GPRIN3: variants seen among roughly 807,000 people sequenced by gnomAD.
The protein encoded by GPRIN3 is GPRIN family member 3.
Under a neutral mutation model 13.7 loss-of-function variants are expected in GPRIN3, and 12 were observed. That is an observed-to-expected ratio of 0.87 (90% confidence interval 0.56 to 1.42). GPRIN3 has a LOEUF of 1.42. Among genes scored for constraint, GPRIN3 ranks in the 40% most tolerant of loss-of-function variants. GPRIN3 has a pLI of 0.00. For missense variants in GPRIN3, 1,009 were observed against 958.7 expected, an observed-to-expected ratio of 1.05 and a Z score of -0.69; for synonymous variants, 377 against 372.7, an observed-to-expected ratio of 1.01 and a Z score of -0.13.
chr4:89,249,842 G>A lies in GPRIN3; in HGVS notation c.269C>T (p.Ala90Val), dbSNP rs1296718908. 3 of 1,614,210 alleles carry A rather than the reference G, an allele frequency of 1.9e-6. No homozygotes were observed. The highest frequency in any genetic ancestry group is 2.2e-5 in the East Asian group (1 of 44,882). The change falls in exon 2 of 2, where the codon GCA becomes GTA. Residue 90 changes from alanine (A) to valine (V), a missense_variant. Coordinates refer to ENST00000609438, the MANE Select transcript of GPRIN3 (RefSeq NM_198281.3). ...SPGVFNEVQKAPATFNSPGNP... is the reference protein window; with the variant it reads ...SPGVFNEVQKVPATFNSPGNP... The stretch of plus-strand genomic sequence containing the variant: ...GCCGGGAGAGTTGAATGTGGCAGGT[G>A]CTTTCTGCACTTCATTGAACACACC...
chr4:89,253,791 T>C (rs1723393381), intron 1 of GPRIN3, among the ~76,000 whole-genome samples: 1 of 152,200 alleles, frequency 6.6e-6, no homozygotes, highest in South Asian at 2.1e-4. Flanking sequence ...AATCTCTGTA[T>C]TTATGCATAG....
At chr4:89,296,476 C>G (rs1451359927) in intron 1 of GPRIN3, among the ~76,000 whole-genome samples, 1 of 151,952 alleles carries the variant, frequency 6.6e-6, no homozygotes, top group Non-Finnish European at 1.5e-5. Context: ...TCTTAGTATT[C>G]CATTTGCAAT....
At chr4:89,303,804 TA>T (rs1042039898) in intron 1 of GPRIN3, among the ~76,000 whole-genome samples, 29 of 149,668 alleles carry the variant, frequency 1.9e-4, no homozygotes, top group African/African-American at 4.4e-4. Flanking sequence ...TGTGTATATA[TA>T]AAAAATATAT....
chr4:89,277,081 C>A (rs890502584), intron 1 of GPRIN3, among the ~76,000 whole-genome samples: 1 of 151,970 alleles, frequency 6.6e-6, no homozygotes, highest in Non-Finnish European at 1.5e-5. Flanking sequence ...AGTCTTCAGT[C>A]CAAACAAAGA....
rs762287489 is a variant in GPRIN3, at chr4:89,241,909, G to A, written c.*5871C>T. 11 of 152,074 alleles carry A rather than the reference G, an allele frequency of 7.2e-5. No individual in the cohort carries two copies. The highest frequency in any genetic ancestry group is 3.9e-4 in the Admixed American group (6 of 15,266). The allele number at this position is 152,074 out of a possible 1,614,324, so 9.4% of individuals were successfully genotyped here. ...AACTGCTCAAGAGTTTTTCTAAAGA[G>A]AGACAATTTTTAAAGCAACAAAGAA... On this transcript the variant is annotated 3_prime_UTR_variant, in exon 2 of 2. Transcript: ENST00000609438.
chr4:89,296,814 T>C (rs1311920379), intron 1 of GPRIN3, among the ~76,000 whole-genome samples: 1 of 152,384 alleles, frequency 6.6e-6, no homozygotes, highest in Non-Finnish European at 1.5e-5. Context: ...TTATCACCTA[T>C]GCAATGATCT....
intron 1 of GPRIN3, among the ~76,000 whole-genome samples, chr4:89,252,713 C>A (rs1006810504): frequency 5.9e-5 from 9 of 152,158 alleles, no homozygotes; most frequent in Non-Finnish European, 1.0e-4. Flanking sequence ...TAACTTCATT[C>A]TTTATATGAA....
intron 1 of GPRIN3, among the ~76,000 whole-genome samples, chr4:89,305,894 T>A (rs1356215032): frequency 6.6e-6 from 1 of 152,196 alleles, no homozygotes; most frequent in Non-Finnish European, 1.5e-5. Flanking sequence ...GTGAAGCTGA[T>A]GCACTTGTGA....
intron 1 of GPRIN3, among the ~76,000 whole-genome samples, chr4:89,276,120 A>T (rs1487567086): frequency 6.6e-6 from 1 of 152,116 alleles, no homozygotes; most frequent in East Asian, 1.9e-4. Context: ...CCACACAGCA[A>T]ATAATATAGG....
In GPRIN3 at chr4:89,247,742, C is replaced by T; in HGVS notation, c.*38G>A. 1.9e-6 allele frequency: 3 copies of T among 1,555,462 alleles called. No homozygotes were observed. In the African/African-American group the frequency reaches 4.1e-5, roughly 21 times the overall value. On this transcript the variant is annotated 3_prime_UTR_variant, in exon 2 of 2. Coordinates refer to ENST00000609438, the MANE Select transcript of GPRIN3 (RefSeq NM_198281.3). ...TGACATAGAGGGACGCATGTGAATA[C>T]CGTAAATTTATACACAAACTCCCAT...
rs1031936189 is a variant in GPRIN3 at position 89,239,035 on chromosome 4, T to A, written c.*8745A>T. On this transcript the variant is annotated 3_prime_UTR_variant, in exon 2 of 2. Coordinates refer to ENST00000609438, the MANE Select transcript of GPRIN3 (RefSeq NM_198281.3). Reference sequence around the variant, plus strand: ...TCCAAAATCTTACTTCATCTTTGTATAAATTATAACATTTCTTCTTTTTTC... The same window carrying A: ...TCCAAAATCTTACTTCATCTTTGTAAAAATTATAACATTTCTTCTTTTTTC... 1 of 152,338 alleles carries A rather than the reference T, an allele frequency of 6.6e-6. No homozygotes were observed. The highest frequency in any genetic ancestry group is 2.1e-4 in the South Asian group (1 of 4,832). The allele number at this position is 152,338 out of a possible 1,614,324, so 9.4% of individuals were successfully genotyped here.
intron 1 of GPRIN3, among the ~76,000 whole-genome samples, chr4:89,291,490 T>C (rs537975191): frequency 6.6e-6 from 1 of 152,362 alleles, no homozygotes; most frequent in Admixed American, 6.5e-5. Context: ...ATCCCTGTTG[T>C]TGTGCATATC....
At chr4:89,306,095 T>A (rs1269212695) in intron 1 of GPRIN3, among the ~76,000 whole-genome samples, 1 of 152,098 alleles carries the variant, frequency 6.6e-6, no homozygotes, top group East Asian at 1.9e-4. Flanking sequence ...ACCTATTCCC[T>A]CGATTAAAGA....
At chr4:89,264,061 CTT>C (rs1723718405) in intron 1 of GPRIN3, among the ~76,000 whole-genome samples, 2 of 152,306 alleles carry the variant, frequency 1.3e-5, no homozygotes, top group African/African-American at 4.8e-5. Flanking sequence ...CCTCAGGACA[CTT>C]TGCACATATT....
Position 89,250,053 on chromosome 4 carries a change from C to G in GPRIN3, c.58G>C (p.Gly20Arg). Residue 20 changes from glycine (G) to arginine (R), a missense_variant, in exon 2 of 2, where the codon GGA becomes CGA. Physicochemically the swap from Gly to Arg is moderately radical, Grantham distance 125 (BLOSUM62 -2). Transcript: ENST00000609438. The part of the protein sequence containing the change: ...SAKTSLIAAS[G>R]KEDDLGEPQA... ...GGCTCTCCTAGATCGTCTTCTTTTC[C>G]GGAAGCTGCAATCAGGGAAGTTTTA... 6.2e-7 allele frequency: 1 copy of G among 1,613,892 alleles called. No individual in the cohort carries two copies. Among genetic ancestry groups the G allele is most frequent in the Admixed American group, 1.7e-5 (1 of 60,006 alleles).
In GPRIN3 at chr4:89,247,052, G is replaced by T. The variant is rs1723120341; in HGVS notation, c.*728C>A. 1 of 152,048 alleles carries T rather than the reference G, an allele frequency of 6.6e-6. No homozygotes were observed. Among genetic ancestry groups the T allele is most frequent in the Non-Finnish European group, 1.5e-5 (1 of 68,004 alleles). The allele number at this position is 152,048 out of a possible 1,614,324, so 9.4% of individuals were successfully genotyped here. Reference sequence around the variant, plus strand: ...GCCTTGCCTTCAGTGCAGGAAAATGGGTCTATATAAATCCATGTTTAATGT... The same window carrying T: ...GCCTTGCCTTCAGTGCAGGAAAATGTGTCTATATAAATCCATGTTTAATGT... On this transcript the variant is annotated 3_prime_UTR_variant, in exon 2 of 2. Transcript: ENST00000609438.
At chr4:89,279,645 C>A (rs901363380) in intron 1 of GPRIN3, among the ~76,000 whole-genome samples, 1 of 152,242 alleles carries the variant, frequency 6.6e-6, no homozygotes, top group Admixed American at 6.5e-5. Context: ...AACAAATGAA[C>A]ACGTTTCTCT....
At chr4:89,261,837 T>A (rs188528031) in intron 1 of GPRIN3, among the ~76,000 whole-genome samples, 18 of 152,050 alleles carry the variant, frequency 1.2e-4, no homozygotes, top group African/African-American at 3.9e-4. Context: ...TGGGGCTGGG[T>A]GAGGTGGCTC....
intron 1 of GPRIN3, among the ~76,000 whole-genome samples, chr4:89,256,839 G>C (rs28614007): frequency 0.025 from 3,878 of 152,210 alleles, 159 homozygotes; most frequent in African/African-American, 0.089. Flanking sequence ...CAAGAAAAGA[G>C]TAAAGAAAAA....
Sources: gnomAD v4.1 joint callset for allele counts (sites outside exome capture counted in the v4.1 genomes callset) on GRCh38, gnomAD v4.1.1 for gene constraint, MANE v1.5 for transcripts, NCBI Gene and HGNC (gene_info 2026-07-23, HGNC 2026-07-21) for gene names.